The following KCNRG variants were observed in gnomAD, a reference collection of about 807,000 sequenced individuals.
KCNRG encodes potassium channel regulatory protein.
A neutral mutation model predicts 17.7 loss-of-function variants in KCNRG; 17 were observed. The observed-to-expected ratio is 0.96, with a 90% CI of 0.66 to 1.44. The LOEUF (loss-of-function observed/expected upper bound fraction) is 1.44, where lower values mean the gene tolerates loss of function less well. Among genes scored for constraint, KCNRG ranks in the 40% most tolerant of loss-of-function variants. The pLI, the probability that KCNRG is intolerant of heterozygous loss-of-function variation, is 0.00. For synonymous variants in KCNRG, 97 were observed against 116.5 expected (o/e 0.83, Z 1.08); for missense variants, 311 against 321.1 (o/e 0.97, Z 0.24).
At position 50,015,618 on chromosome 13, in the gene KCNRG, T is replaced by A; in HGVS notation, c.125T>A (p.Phe42Tyr). Residue 42 changes from phenylalanine (F) to tyrosine (Y), a missense_variant, in exon 1 of 2, where the codon TTC (phenylalanine) becomes TAC (tyrosine). By Grantham distance (22) the Phe-to-Tyr change is conservative. Transcript: ENST00000312942. ...ARMLDGRDQE[F>Y]KMVGGQIFVD... ...ATGTTAGATGGCAGAGACCAAGAAT[T>A]CAAGATGGTTGGTGGCCAGATTTTT... 2 of 1,614,138 alleles carry A rather than the reference T, an allele frequency of 1.2e-6. No individual in the cohort carries two copies. The highest frequency in any genetic ancestry group is 1.7e-6 in the Non-Finnish European group (2 of 1,179,972).
Position 50,020,707 on chromosome 13 carries a change from CT to C in KCNRG, c.*255del. The C allele has an allele frequency of 2.6e-6, 1 of 383,232 alleles. No homozygotes were observed. Among genetic ancestry groups the C allele is most frequent in the Non-Finnish European group, 4.8e-6 (1 of 208,530 alleles). The allele number at this position is 383,232 out of a possible 1,614,324, so 23.7% of individuals were successfully genotyped here. On this transcript the variant is annotated 3_prime_UTR_variant, in exon 2 of 2. Coordinates refer to ENST00000312942, the MANE Select transcript of KCNRG (RefSeq NM_173605.2). Reference sequence around the variant, plus strand: ...TTTCCCTTTCTCTTCTTCATGAATGCTTATGAGCCGAGATTGCGCCACTGCA... The same window carrying C: ...TTTCCCTTTCTCTTCTTCATGAATGCTATGAGCCGAGATTGCGCCACTGCA...
chr13:50,015,606 G>A lies in KCNRG; in HGVS notation c.113G>A (p.Arg38Lys), dbSNP rs749546546. The change falls in exon 1 of 2, where the codon AGA (arginine) becomes AAA (lysine). Residue 38 changes from arginine to lysine, a missense_variant. Arg to Lys is a conservative substitution (Grantham distance 26). Transcript: ENST00000312942. Reference sequence around the variant, plus strand: ...CGTTTGGCACGCATGTTAGATGGCAGAGACCAAGAATTCAAGATGGTTGGT... The same window carrying A: ...CGTTTGGCACGCATGTTAGATGGCAAAGACCAAGAATTCAAGATGGTTGGT... ...ASRLARMLDG[R>K]DQEFKMVGGQ... is the part of the protein sequence containing the mutation. 39 of 1,614,138 alleles carry A rather than the reference G, an allele frequency of 2.4e-5. No homozygotes were observed. The Middle Eastern group carries it at 9.9e-4, about 41-fold the overall frequency.
Position 50,015,871 on chromosome 13 carries a change from T to G in KCNRG, c.378T>G (p.Phe126Leu), listed in dbSNP as rs781761422. 4.3e-6 allele frequency: 7 copies of G among 1,614,140 alleles called. No individual in the cohort carries two copies. The highest frequency in any genetic ancestry group is 5.9e-6 in the Non-Finnish European group (7 of 1,179,986). Reference protein sequence around the residue: ...SRNTQAFFRVFGSCSKTIEML... With the variant: ...SRNTQAFFRVLGSCSKTIEML... ...ACACTCAAGCTTTTTTCAGGGTGTTTGGCTCTTGCAGCAAAACAATTGAGA... is the reference window on the plus strand; with the variant it reads ...ACACTCAAGCTTTTTTCAGGGTGTTGGGCTCTTGCAGCAAAACAATTGAGA... Residue 126 changes from phenylalanine to leucine, a missense_variant, in exon 1 of 2, where the codon TTT becomes TTG. By Grantham distance (22) the Phe-to-Leu change is conservative (BLOSUM62 0). Transcript: ENST00000312942.
At position 50,015,960 on chromosome 13, in the gene KCNRG, T is replaced by G; in HGVS notation, c.467T>G (p.Phe156Cys). 6.2e-7 allele frequency: 1 copy of G among 1,614,084 alleles called. No homozygotes were observed. The highest frequency in any genetic ancestry group is 1.1e-5 in the South Asian group (1 of 91,084). The change falls in exon 1 of 2, where the codon TTT becomes TGT. Residue 156 changes from phenylalanine (F) to cysteine (C), a missense_variant. Physicochemically the swap from Phe to Cys is radical, Grantham distance 205. Coordinates refer to ENST00000312942, the MANE Select transcript of KCNRG (RefSeq NM_173605.2). ...QPSAPTWNGN[F>C]FPPQMTLLPL... ...TCAGCGCCGACCTGGAATGGTAACT[T>G]TTTCCCTCCTCAGATGACCTTACTT...
intron 1 of KCNRG, chr13:50,017,693 G>A (rs577094139): frequency 4.2e-5 from 7 of 167,162 alleles, no homozygotes; most frequent in African/African-American, 1.7e-4. Context: ...TCTGAATACG[G>A]TGAAATTATG....
Position 50,015,522 on chromosome 13 carries a change from A to G in KCNRG, c.29A>G (p.Asn10Ser), listed in dbSNP as rs371471440. 8.9e-5 allele frequency: 143 copies of G among 1,613,388 alleles called. No homozygotes were observed. The highest frequency in any genetic ancestry group is 1.3e-4 in the Admixed American group (8 of 59,928). ...AGTAGTCAGGAACTGGTCACTTTGA[A>G]TGTGGGAGGGAAGATATTCACGACA... MSSQELVTLNVGGKIFTTRF... is the reference protein window; with the variant it reads MSSQELVTLSVGGKIFTTRF... The change falls in exon 1 of 2, where the codon AAT becomes AGT. Residue 10 changes from asparagine (N) to serine (S), a missense_variant. Asn to Ser is a conservative substitution (Grantham distance 46). Coordinates refer to ENST00000312942, the MANE Select transcript of KCNRG (RefSeq NM_173605.2).
rs1482538853 is a variant in KCNRG at position 50,015,860 on chromosome 13, T to C, written c.367T>C (p.Phe123Leu). 17 of 1,614,022 alleles carry C rather than the reference T, an allele frequency of 1.1e-5. No individual in the cohort carries two copies. The highest frequency in any genetic ancestry group is 1.4e-5 in the Non-Finnish European group (16 of 1,179,986). The change falls in exon 1 of 2, where the codon TTC (phenylalanine) becomes CTC (leucine). Residue 123 changes from phenylalanine (F) to leucine (L), a missense_variant. Transcript: ENST00000312942. ...HFLSRNTQAFFRVFGSCSKTI... is the reference protein window; with the variant it reads ...HFLSRNTQAFLRVFGSCSKTI... ...CCTAAGCCGGAACACTCAAGCTTTTTTCAGGGTGTTTGGCTCTTGCAGCAA... is the reference window on the plus strand; with the variant it reads ...CCTAAGCCGGAACACTCAAGCTTTTCTCAGGGTGTTTGGCTCTTGCAGCAA...
In KCNRG at chr13:50,020,258, C is replaced by G; in HGVS notation, c.623C>G (p.Thr208Arg). ...GATAACCGAAAATTGGCCAACGGAA[C>G]AAATGTCCTCGGCTTACTGATTGAC... ...KPDNRKLANG[T>R]NVLGLLIDTL... The change falls in exon 2 of 2, where the codon ACA becomes AGA. Residue 208 changes from threonine to arginine, a missense_variant. Thr to Arg is a moderately conservative substitution (Grantham distance 71, BLOSUM62 -1). Transcript: ENST00000312942. 1 of 1,613,994 alleles carries G rather than the reference C, an allele frequency of 6.2e-7. No homozygotes were observed. The highest frequency in any genetic ancestry group is 8.5e-7 in the Non-Finnish European group (1 of 1,179,904).
chr13:50,015,782 C>G lies in KCNRG; in HGVS notation c.289C>G (p.Leu97Val). The change falls in exon 1 of 2, where the codon CTC (leucine) becomes GTC (valine). Residue 97 changes from leucine (L) to valine (V), a missense_variant. Coordinates refer to ENST00000312942, the MANE Select transcript of KCNRG (RefSeq NM_173605.2). Reference sequence around the variant, plus strand: ...CTATGAACTTCGTTCTCTAGTTGATCTCTTAAACCCATACCTGCTACAGCC... The same window carrying G: ...CTATGAACTTCGTTCTCTAGTTGATGTCTTAAACCCATACCTGCTACAGCC... The part of the protein sequence containing the change: ...LFYELRSLVD[L>V]LNPYLLQPRP... The G allele has an allele frequency of 6.2e-7, 1 of 1,614,092 alleles. No individual in the cohort carries two copies. Among genetic ancestry groups the G allele is most frequent in the Non-Finnish European group, 8.5e-7 (1 of 1,179,980 alleles).
intron 1 of KCNRG, chr13:50,018,836 G>A: frequency 6.2e-6 from 1 of 162,088 alleles, no homozygotes; most frequent in Non-Finnish European, 1.3e-5. Flanking sequence ...GGTATGCAAT[G>A]GCGTGATCTC....
chr13:50,016,149 T>C, intron 1 of KCNRG, 78 bp downstream of exon 1: 1 of 1,007,654 alleles, frequency 9.9e-7, no homozygotes, highest in Non-Finnish European at 1.5e-6. Flanking sequence ...TCCTCAGGCC[T>C]GTAACTTCTG....
Position 50,016,021 on chromosome 13 carries a change from G to A in KCNRG, c.528G>A (p.Leu176=), listed in dbSNP as rs776555538. 5.6e-6 allele frequency: 9 copies of A among 1,613,910 alleles called. No homozygotes were observed. In the Admixed American group the frequency reaches 6.7e-5, roughly 12 times the overall value. The part of the protein sequence containing the change: ...LPPQRPSYHD[L]VFQCGSDSTT... Reference sequence around the variant, plus strand: ...CACAAAGACCTTCTTACCATGACCTGGTTTTCCAGTGTGGTTCTGACAGCA... The same window carrying A: ...CACAAAGACCTTCTTACCATGACCTAGTTTTCCAGTGTGGTTCTGACAGCA... Residue 176 remains leucine, a synonymous_variant, in exon 1 of 2, where the codon CTG becomes CTA. Coordinates refer to ENST00000312942, the MANE Select transcript of KCNRG (RefSeq NM_173605.2).
rs1409404953 is a variant in KCNRG at position 50,016,072 on chromosome 13, G to C, written c.578+1G>C. 1 of 1,610,458 alleles carries C rather than the reference G, an allele frequency of 6.2e-7. No homozygotes were observed. The highest frequency in any genetic ancestry group is 1.3e-5 in the African/African-American group (1 of 74,842). Reference sequence around the variant, plus strand: ...CTACTGATAACCAAACTGGAGTCAGGTATTTTGTACTTTGCAGTATTTCTC... The same window carrying C: ...CTACTGATAACCAAACTGGAGTCAGCTATTTTGTACTTTGCAGTATTTCTC... On this transcript the variant is annotated splice_donor_variant, in intron 1 of 1. Coordinates refer to ENST00000312942, the MANE Select transcript of KCNRG (RefSeq NM_173605.2). LOFTEE classifies it high-confidence loss of function.
chr13:50,016,287 GAATA>G (rs1330938793), intron 1 of KCNRG: 11 of 481,590 alleles, frequency 2.3e-5, no homozygotes, highest in Non-Finnish European at 3.8e-5. Context: ...GGGACAAAAG[GAATA>G]AATGAAGACT....
chr13:50,015,852 A>G lies in KCNRG; in HGVS notation c.359A>G (p.Gln120Arg). Residue 120 changes from glutamine (Q) to arginine (R), a missense_variant, in exon 1 of 2, where the codon CAA (glutamine) becomes CGA (arginine). Coordinates refer to ENST00000312942, the MANE Select transcript of KCNRG (RefSeq NM_173605.2). ...VEVHFLSRNT[Q>R]AFFRVFGSCS... ...GTACATTTCCTAAGCCGGAACACTC[A>G]AGCTTTTTTCAGGGTGTTTGGCTCT... The G allele has an allele frequency of 6.2e-7, 1 of 1,614,080 alleles. No homozygotes were observed.
chr13:50,020,150 G>A lies in KCNRG; in HGVS notation c.579-64G>A, dbSNP rs575901039. ...CTTTGAGGTTGTAAGTCAAATTTAT[G>A]TGTATAGTTTTGCTAGTTATTAAAG... On this transcript the variant is annotated intron_variant, in intron 1 of 1. Coordinates refer to ENST00000312942, the MANE Select transcript of KCNRG (RefSeq NM_173605.2). 1.0e-5 allele frequency: 15 copies of A among 1,495,498 alleles called. No individual in the cohort carries two copies. In the South Asian group the frequency reaches 1.8e-4, roughly 18 times the overall value. The allele number at this position is 1,495,498 out of a possible 1,614,324, so 92.6% of individuals were successfully genotyped here. A position where few individuals can be genotyped will look rare whatever the true frequency, so the allele number is the denominator to read the frequency against.
Position 50,015,693 on chromosome 13 carries a change from C to T in KCNRG, c.200C>T (p.Thr67Ile). The change falls in exon 1 of 2, where the codon ACT becomes ATT. Residue 67 changes from threonine to isoleucine, a missense_variant. Thr to Ile is a moderately conservative substitution (Grantham distance 89). Transcript: ENST00000312942. ...AGTTTCATCTTAGATTTTTTGAGAA[C>T]TCACCAGCTTTTATTACCCACTGAA... is the stretch of plus-strand genomic sequence containing the variant. The part of the protein sequence containing the change: ...LFSFILDFLR[T>I]HQLLLPTEFS... 1 of 1,614,078 alleles carries T rather than the reference C, an allele frequency of 6.2e-7. No individual in the cohort carries two copies. The highest frequency in any genetic ancestry group is 8.5e-7 in the Non-Finnish European group (1 of 1,179,946).
At position 50,015,492 on chromosome 13, in the gene KCNRG, G is replaced by C; in HGVS notation, c.-2G>C. 6.2e-7 allele frequency: 1 copy of C among 1,600,152 alleles called. No individual in the cohort carries two copies. Among genetic ancestry groups the C allele is most frequent in the Non-Finnish European group, 8.5e-7 (1 of 1,171,776 alleles). On this transcript the variant is annotated 5_prime_UTR_variant, in exon 1 of 2. Transcript: ENST00000312942. ...TAGCCTCTAGTTTGAAGTGAGGGAA[G>C]AATGAGTAGTCAGGAACTGGTCACT...
At position 50,015,836 on chromosome 13, in the gene KCNRG, C is replaced by G. The variant is rs777921805; in HGVS notation, c.343C>G (p.Leu115Val). Residue 115 changes from leucine to valine, a missense_variant, in exon 1 of 2, where the codon CTA becomes GTA. Physicochemically the swap from Leu to Val is conservative, Grantham distance 32 (BLOSUM62 1). Coordinates refer to ENST00000312942, the MANE Select transcript of KCNRG (RefSeq NM_173605.2). Reference protein sequence around the residue: ...PRPALVEVHFLSRNTQAFFRV... With the variant: ...PRPALVEVHFVSRNTQAFFRV... ...ACCTGCTCTTGTGGAGGTACATTTC[C>G]TAAGCCGGAACACTCAAGCTTTTTT... is the stretch of plus-strand genomic sequence containing the variant. 4 of 1,614,022 alleles carry G rather than the reference C, an allele frequency of 2.5e-6. No homozygotes were observed. In the Admixed American group the frequency reaches 6.7e-5, roughly 27 times the overall value.
Sources: gnomAD v4.1 joint callset for allele counts on GRCh38, gnomAD v4.1.1 for gene constraint, MANE v1.5 for transcripts, NCBI Gene and HGNC (gene_info 2026-07-23, HGNC 2026-07-21) for gene names.